TMEM229B: variants seen among roughly 807,000 people sequenced by gnomAD.
TMEM229B encodes chromosome 14 open reading frame 83.
In TMEM229B, 6 loss-of-function variants were observed where a neutral mutation model predicts 13.7. That is an observed-to-expected ratio of 0.44 (90% CI 0.24 to 0.86). TMEM229B has a LOEUF of 0.86. Among genes scored for constraint, TMEM229B ranks in the 40% least tolerant of loss-of-function variants. The pLI is 0.23. For synonymous variants in TMEM229B, 107 were observed against 102.1 expected (o/e 1.05, Z -0.29); for missense variants, 170 against 236.0 (o/e 0.72, Z 1.83).
At position 67,500,696 on chromosome 14, in the gene TMEM229B, C is replaced by T. The variant is rs373058608; in HGVS notation, c.-191-13524G>A. On this transcript the variant is annotated intron_variant, in intron 1 of 2. Coordinates refer to the TMEM229B transcript ENST00000357461. ...ATGCCATTCTCCTGTCTCAGCTTCC[C>T]GAGTAGCTGAGACTACAGGCGCCCG... is the stretch of plus-strand genomic sequence containing the variant. Among the ~76,000 whole-genome samples, 5 of 151,028 alleles carry T rather than the reference C, an allele frequency of 3.3e-5. No individual in the cohort carries two copies. In the East Asian group the frequency reaches 8.0e-4, roughly 24 times the overall value.
chr14:67,483,887 C>T lies in TMEM229B; in HGVS notation c.-19+3113G>A, dbSNP rs573797030. ...AGAGGATTTCAGGGGGCCTCAGATC[C>T]CAAGCAAACCGCAGCAGGAGGCAGG... On this transcript the variant is annotated intron_variant, in intron 2 of 2. Coordinates refer to ENST00000554480, the MANE Select transcript of TMEM229B (RefSeq NM_001348543.2). 7.2e-5 allele frequency among the ~76,000 whole-genome samples: 11 copies of T among 152,284 alleles called. No homozygotes were observed. In the East Asian group the frequency reaches 1.9e-3, roughly 27 times the overall value.
At chr14:67,485,639 C>G (rs1424873001) in intron 2 of TMEM229B, among the ~76,000 whole-genome samples, 1 of 152,204 alleles carries the variant, frequency 6.6e-6, no homozygotes, top group Non-Finnish European at 1.5e-5. Flanking sequence ...CACCAGGCTA[C>G]GGGCCCTGCA....
upstream of TMEM229B, among the ~76,000 whole-genome samples, chr14:67,489,373 C>T (rs993407125): frequency 2.0e-5 from 3 of 152,230 alleles, no homozygotes; most frequent in Admixed American, 1.3e-4. Context: ...ATGCAAGGGT[C>T]TTCAAGTCAG....
Position 67,477,553 on chromosome 14 carries a change from T to C in TMEM229B, c.-18-3612A>G, listed in dbSNP as rs148314892. On this transcript the variant is annotated intron_variant, in intron 2 of 2. Coordinates refer to ENST00000554480, the MANE Select transcript of TMEM229B (RefSeq NM_001348543.2). ...TGTCCCCGGCCAGACCTCTTTCCTG[T>C]GTGCTACACCTATAGCTCCTGCCCT... Among the ~76,000 whole-genome samples the C allele has an allele frequency of 8.8e-4, 134 of 152,306 alleles. 1 individual carries two copies. Among genetic ancestry groups the C allele is most frequent in the African/African-American group, 3.0e-3 (125 of 41,552 alleles).
intron 2 of TMEM229B, among the ~76,000 whole-genome samples, chr14:67,475,923 A>T (rs1298678831): frequency 6.6e-6 from 1 of 152,188 alleles, no homozygotes; most frequent in Non-Finnish European, 1.5e-5. Context: ...GAGGATAGTG[A>T]CTGTTGCACA....
intron 1 of TMEM229B, among the ~76,000 whole-genome samples, chr14:67,505,496 C>T (rs1387355082): frequency 1.3e-5 from 2 of 152,144 alleles, no homozygotes; most frequent in African/African-American, 4.8e-5. Flanking sequence ...AGCCTGCCTT[C>T]CCAGGTTCAC....
chr14:67,522,756 C>T (rs1431355784), intron 1 of TMEM229B, among the ~76,000 whole-genome samples: 1 of 152,124 alleles, frequency 6.6e-6, no homozygotes, highest in Non-Finnish European at 1.5e-5. Flanking sequence ...GACAGCCAAG[C>T]CTGGAGCGGG....
At chr14:67,494,770 G>A (rs958420369) in intron 1 of TMEM229B, among the ~76,000 whole-genome samples, 4 of 152,112 alleles carry the variant, frequency 2.6e-5, no homozygotes, top group Non-Finnish European at 5.9e-5. Context: ...ACGAAGGCTC[G>A]CCCAACATTT....
intron 1 of TMEM229B, among the ~76,000 whole-genome samples, chr14:67,506,569 T>C (rs1008465748): frequency 1.3e-5 from 2 of 152,186 alleles, no homozygotes; most frequent in African/African-American, 4.8e-5. Context: ...GAGGAAAATG[T>C]AAGACAGGTA....
intron 1 of TMEM229B, among the ~76,000 whole-genome samples, chr14:67,511,939 TG>T (rs2033040592): frequency 6.6e-6 from 1 of 152,180 alleles, no homozygotes; most frequent in African/African-American, 2.4e-5. Context: ...TGTGTCGGGG[TG>T]AAAACCACTG....
At chr14:67,475,061 A>G (rs7150296) in intron 2 of TMEM229B, among the ~76,000 whole-genome samples, 77,517 of 151,698 alleles carry the variant, frequency 0.51, 21,434 homozygotes, top group African/African-American at 0.74. Context: ...GACTACAGGC[A>G]CACACCATCA....
In TMEM229B at chr14:67,473,783, C is replaced by T; in HGVS notation, c.141G>A (p.Val47=). The change falls in exon 3 of 3, where the codon GTG becomes GTA. Residue 47 remains valine, a synonymous_variant. Transcript: ENST00000554480. The surrounding 1 kb of genome is among the most constrained non-coding windows in gnomAD (Gnocchi z 6.5). The stretch of plus-strand genomic sequence containing the variant: ...AGGTGCCGTAGATGAAGAGGGCCCA[C>T]ACGCTCGTGACCCCAGGGAACTTCC... ...LNWKFPGVTS[V]WALFIYGTSI... is the part of the protein sequence containing the mutation. 1 of 1,613,994 alleles carries T rather than the reference C, an allele frequency of 6.2e-7. No homozygotes were observed. Among genetic ancestry groups the T allele is most frequent in the Non-Finnish European group, 8.5e-7 (1 of 1,179,964 alleles).
chr14:67,483,005 T>C (rs2031676141), intron 2 of TMEM229B, among the ~76,000 whole-genome samples: 1 of 152,108 alleles, frequency 6.6e-6, no homozygotes, highest in South Asian at 2.1e-4. Context: ...GCTACGTTCT[T>C]TTTTTGTTTG....
At position 67,515,407 on chromosome 14, in the gene TMEM229B, C is replaced by CCGGCGGCGGCGGCGG. The variant is rs552146261; in HGVS notation, c.-528_-514dup. The CCGGCGGCGGCGGCGG allele has an allele frequency of 4.9e-4, 88 of 178,878 alleles. 2 individuals are homozygous for CCGGCGGCGGCGGCGG. The East Asian group carries it at 7.7e-3, about 16-fold the overall frequency. 11.1% of individuals were successfully genotyped at this position (178,878 alleles called of 1,614,324 possible). On this transcript the variant is annotated 5_prime_UTR_variant, in exon 1 of 3. Coordinates refer to the TMEM229B transcript ENST00000357461. ...CCGCTGCCCGGGAGGAAAGGAGCCC[C>CCGGCGGCGGCGGCGG]CGGCGGCGGCGGCGGCGGCGGCGGC...
At chr14:67,530,531 C>A (rs1376870049) in intron 1 of TMEM229B, among the ~76,000 whole-genome samples, 1 of 152,190 alleles carries the variant, frequency 6.6e-6, no homozygotes, top group East Asian at 1.9e-4. Flanking sequence ...AGTGACTCTC[C>A]TGTAACTCCT....
chr14:67,495,654 T>C (rs1266389533), intron 1 of TMEM229B, among the ~76,000 whole-genome samples: 2 of 152,192 alleles, frequency 1.3e-5, no homozygotes, highest in Non-Finnish European at 2.9e-5. Flanking sequence ...CAGTTGATTT[T>C]TGTACTTTTA....
At chr14:67,489,079 T>C (rs1042899541), upstream of TMEM229B, among the ~76,000 whole-genome samples, 6 of 152,184 alleles carry the variant, frequency 3.9e-5, no homozygotes, top group African/African-American at 7.2e-5. Flanking sequence ...CAGAGTTTCT[T>C]GGAACATATG....
At chr14:67,529,461 T>C (rs1459347473) in intron 1 of TMEM229B, among the ~76,000 whole-genome samples, 1 of 152,188 alleles carries the variant, frequency 6.6e-6, no homozygotes, top group African/African-American at 2.4e-5. Flanking sequence ...TAGATATTTG[T>C]TAGTGAGTAA....
intron 2 of TMEM229B, among the ~76,000 whole-genome samples, chr14:67,484,360 G>A (rs1190664322): frequency 6.6e-6 from 1 of 152,200 alleles, no homozygotes; most frequent in Non-Finnish European, 1.5e-5. Flanking sequence ...ACTGATGAGG[G>A]CAGGTATAAA....
Sources: allele counts gnomAD v4.1 joint callset (sites outside exome capture counted in the v4.1 genomes callset), GRCh38; gene constraint gnomAD v4.1.1; non-coding constraint Gnocchi (gnomAD v3.1); transcripts MANE v1.5; gene names NCBI Gene and HGNC (gene_info 2026-07-23, HGNC 2026-07-21).